The following FAM135B variants were observed in gnomAD, a reference collection of about 807,000 sequenced individuals.
The protein encoded by FAM135B is protein FAM135B.
In FAM135B, 43 loss-of-function variants were observed where a neutral mutation model predicts 127.7. That is an observed-to-expected ratio of 0.34 (90% CI 0.26 to 0.43). FAM135B has a LOEUF of 0.43. FAM135B is among the 20% of genes least tolerant of loss of function. The probability of loss-of-function intolerance (pLI) is 1.00; values close to 1 mark genes in which losing one functional copy is unlikely to be tolerated. For missense variants in FAM135B, 1,558 were observed against 1,725.6 expected, an observed-to-expected ratio of 0.90 and a Z score of 1.72; for synonymous variants, 670 against 665.1, an observed-to-expected ratio of 1.01 and a Z score of -0.11.
intron 3 of FAM135B, among the ~76,000 whole-genome samples, chr8:138,308,327 T>C (rs1360914372): frequency 6.6e-6 from 1 of 152,162 alleles, no homozygotes; most frequent in Non-Finnish European, 1.5e-5. Flanking sequence ...AGTGCATAAA[T>C]GTCCCCAGCC....
intron 1 of FAM135B, among the ~76,000 whole-genome samples, chr8:138,431,960 C>A (rs758675565): frequency 6.6e-6 from 1 of 152,178 alleles, no homozygotes; most frequent in Non-Finnish European, 1.5e-5. Flanking sequence ...CCAAAGATAA[C>A]CAACAATACC....
At chr8:138,328,208 C>T (rs1004552827) in intron 2 of FAM135B, among the ~76,000 whole-genome samples, 14 of 152,132 alleles carry the variant, frequency 9.2e-5, no homozygotes, top group African/African-American at 3.4e-4. Flanking sequence ...CATATCTCTA[C>T]ACATGAGCTC....
chr8:138,382,725 A>T (rs543032647), intron 1 of FAM135B, among the ~76,000 whole-genome samples: 1 of 152,300 alleles, frequency 6.6e-6, no homozygotes, highest in South Asian at 2.1e-4. Context: ...ACTATTCTTA[A>T]CGTCCTATTG....
intron 7 of FAM135B, among the ~76,000 whole-genome samples, chr8:138,202,918 T>C (rs567814594): frequency 3.9e-5 from 6 of 152,268 alleles, no homozygotes; most frequent in African/African-American, 1.2e-4. Flanking sequence ...TGGAATCAAA[T>C]AGGCCTGTAC....
Position 138,373,665 on chromosome 8 carries a change from G to T in FAM135B, c.-19-5663C>A, listed in dbSNP as rs187661241. ...TTCAAAAGCAAATGGGAGAAATATT[G>T]CTGAATTCTTTTTCTCAGCAAGGAA... On this transcript the variant is annotated intron_variant, in intron 1 of 19. Coordinates refer to ENST00000395297, the MANE Select transcript of FAM135B (RefSeq NM_015912.4). Among the ~76,000 whole-genome samples, 1,316 of 152,162 alleles carry T rather than the reference G, an allele frequency of 8.6e-3. 24 individuals carry two copies. Among genetic ancestry groups the T allele is most frequent in the African/African-American group, 0.03 (1,263 of 41,504 alleles).
intron 1 of FAM135B, among the ~76,000 whole-genome samples, chr8:138,465,822 G>A (rs903121324): frequency 6.6e-6 from 1 of 151,660 alleles, no homozygotes; most frequent in Admixed American, 6.6e-5. Context: ...CCGTTGCCCA[G>A]GCTGGAGTAT....
intron 1 of FAM135B, among the ~76,000 whole-genome samples, chr8:138,407,033 T>G (rs1833547593): frequency 6.6e-6 from 1 of 150,974 alleles, no homozygotes; most frequent in East Asian, 1.9e-4. Flanking sequence ...AAAATCTCCT[T>G]AAGCTGATAA....
rs186458559 is a variant in FAM135B at position 138,279,743 on chromosome 8, C to T, written c.158-13901G>A. Among the ~76,000 whole-genome samples the T allele has an allele frequency of 4.9e-4, 74 of 152,276 alleles. No homozygotes were observed. In the East Asian group the frequency reaches 9.5e-3, roughly 20 times the overall value. On this transcript the variant is annotated intron_variant, in intron 3 of 19. Transcript: ENST00000395297. Reference sequence around the variant, plus strand: ...CTCACAGAGTCCACCTCCTATTTTACCCATCTTAGAGTCACCTTATTGCCA... The same window carrying T: ...CTCACAGAGTCCACCTCCTATTTTATCCATCTTAGAGTCACCTTATTGCCA...
chr8:138,152,069 G>C lies in FAM135B; in HGVS notation c.2406C>G (p.His802Gln), dbSNP rs2130754818. The C allele has an allele frequency of 6.2e-7, 1 of 1,613,956 alleles. No individual in the cohort carries two copies. Residue 802 changes from histidine (H) to glutamine (Q), a missense_variant, in exon 13 of 20, where the codon CAC becomes CAG. By Grantham distance (24) the His-to-Gln change is conservative. Around this residue, in one of 5 missense-constraint regions of FAM135B, gnomAD observed 923 missense variants for 865.3 expected, o/e 1.07. Coordinates refer to ENST00000395297, the MANE Select transcript of FAM135B (RefSeq NM_015912.4). ...ATCCTGGGGAACCTTGGCTCTTGCT[G>C]TGCATATCTGAAGGTTCAGCAAAAC... ...DGGFAEPSDM[H>Q]SKSQGSPGSC...
intron 1 of FAM135B, among the ~76,000 whole-genome samples, chr8:138,405,259 G>A (rs1471056245): frequency 6.7e-6 from 1 of 150,346 alleles, no homozygotes; most frequent in Non-Finnish European, 1.5e-5. Context: ...TAGGGTACAA[G>A]TGCACAATGT....
rs557646647 is a variant in FAM135B at position 138,177,479 on chromosome 8, C to CT, written c.1030-60dup. 4,173 of 1,391,770 alleles carry CT rather than the reference C, an allele frequency of 3.0e-3. 3 individuals carry two copies. The highest frequency in any genetic ancestry group is 3.5e-3 in the Non-Finnish European group (3,507 of 1,015,592). The allele number at this position is 1,391,770 out of a possible 1,614,324, so 86.2% of individuals were successfully genotyped here. ...TTTAGGTAGGTATTACCTGCACTTT[C>CT]TTTTTTTTTAATTGAGGCTCAAAAA... On this transcript the variant is annotated intron_variant, in intron 10 of 19. Coordinates refer to ENST00000395297, the MANE Select transcript of FAM135B (RefSeq NM_015912.4).
In FAM135B at chr8:138,242,886, C is replaced by G. The variant is rs1477116496; in HGVS notation, c.669+56G>C. On this transcript the variant is annotated intron_variant, in intron 7 of 19. Transcript: ENST00000395297. This position sits in a 1 kb window ranked among gnomAD's most constrained non-coding sequence, Gnocchi z 9.6. ...AGAAGCATGAATCTCATAGAACATA[C>G]ACTCTGCAAAGTAAAGTTTGAAAGT... The G allele has an allele frequency of 6.3e-7, 1 of 1,575,646 alleles. No homozygotes were observed. Among genetic ancestry groups the G allele is most frequent in the Non-Finnish European group, 8.6e-7 (1 of 1,162,824 alleles).
chr8:138,354,354 A>G (rs976930004), intron 2 of FAM135B, among the ~76,000 whole-genome samples: 65 of 152,130 alleles, frequency 4.3e-4, no homozygotes, highest in African/African-American at 1.5e-3. Context: ...TACTCTTGAA[A>G]ACCCTAGCAC....
chr8:138,218,753 GCACA>G (rs139117207), intron 7 of FAM135B, among the ~76,000 whole-genome samples: 1 of 51,324 alleles, frequency 1.9e-5, no homozygotes, highest in African/African-American at 5.5e-5. Flanking sequence ...AAACTTACAC[GCACA>G]CACACACACA....
At chr8:138,165,053 T>C (rs1819774075) in intron 12 of FAM135B, among the ~76,000 whole-genome samples, 1 of 151,944 alleles carries the variant, frequency 6.6e-6, no homozygotes, top group Non-Finnish European at 1.5e-5. Context: ...AAGACTGAGG[T>C]TGATTTTCCA....
chr8:138,404,880 G>C (rs966378685), intron 1 of FAM135B, among the ~76,000 whole-genome samples: 1 of 152,086 alleles, frequency 6.6e-6, no homozygotes, highest in African/African-American at 2.4e-5. Context: ...CATGAGGGTT[G>C]CTATTAACTT....
intron 7 of FAM135B, among the ~76,000 whole-genome samples, chr8:138,228,060 A>G (rs1026101196): frequency 6.6e-6 from 1 of 152,122 alleles, no homozygotes; most frequent in African/African-American, 2.4e-5. Context: ...CATGCATGTG[A>G]CTGCATTCTG....
chr8:138,339,083 G>C (rs1229866554), intron 2 of FAM135B, among the ~76,000 whole-genome samples: 2 of 148,602 alleles, frequency 1.3e-5, no homozygotes, highest in East Asian at 4.0e-4. Context: ...ACACAGGAAA[G>C]GGAACATCAC....
chr8:138,413,737 C>G (rs1341778341), intron 1 of FAM135B, among the ~76,000 whole-genome samples: 1 of 152,046 alleles, frequency 6.6e-6, no homozygotes, highest in Non-Finnish European at 1.5e-5. Flanking sequence ...GGAATAAAAA[C>G]TCACACTCTT....
Sources: gnomAD v4.1 joint callset for allele counts (sites outside exome capture counted in the v4.1 genomes callset) on GRCh38, gnomAD v4.1.1 for gene constraint, gnomAD v4.1.1 regional missense constraint, Gnocchi (gnomAD v3.1) non-coding constraint, MANE v1.5 for transcripts, NCBI Gene and HGNC (gene_info 2026-07-23, HGNC 2026-07-21) for gene names.